The following ADORA2B variants were observed in gnomAD, a reference collection of about 807,000 sequenced individuals.
The protein encoded by ADORA2B is adenosine A2b receptor.
Under a neutral mutation model 20.8 loss-of-function variants are expected in ADORA2B, and 18 were observed. The ratio of observed to expected loss-of-function variants is 0.87; its 90% confidence interval spans 0.60 to 1.29. ADORA2B has a LOEUF of 1.29. Among genes scored for constraint, ADORA2B ranks in the 50% most tolerant of loss-of-function variants. The pLI is 0.00. For missense variants in ADORA2B, 441 were observed against 422.7 expected, an observed-to-expected ratio of 1.04 and a Z score of -0.38; for synonymous variants, 179 against 178.3, an observed-to-expected ratio of 1.00 and a Z score of -0.03.
rs143474768 is a variant in ADORA2B, at chr17:15,955,449, A to T, written c.335+9866A>T. On this transcript the variant is annotated intron_variant, in intron 1 of 1. Transcript: ENST00000304222. The stretch of plus-strand genomic sequence containing the variant: ...GAGTCTCGCTTGTTGGCCAGGCTGC[A>T]GTGCAGTGGCACGATCTGGGCTCAC... Among the ~76,000 whole-genome samples the T allele has an allele frequency of 2.9e-3, 424 of 147,714 alleles. 4 individuals carry two copies. Among genetic ancestry groups the T allele is most frequent in the Non-Finnish European group, 3.6e-3 (243 of 67,550 alleles).
At chr17:15,957,039 G>T (rs1969974916) in intron 1 of ADORA2B, among the ~76,000 whole-genome samples, 1 of 152,218 alleles carries the variant, frequency 6.6e-6, no homozygotes, top group African/African-American at 2.4e-5. Context: ...GACAGCTGAA[G>T]GAAGGAATGG....
the ADORA2B span, among the ~76,000 whole-genome samples, chr17:15,868,184 A>G: frequency 7.2e-6 from 1 of 137,966 alleles, no homozygotes; most frequent in Non-Finnish European, 1.6e-5. Context: ...CATGCTCGTT[A>G]AGAGTCATCA....
At chr17:15,884,939 A>T in the ADORA2B span, among the ~76,000 whole-genome samples, 2 of 152,182 alleles carry the variant, frequency 1.3e-5, no homozygotes, top group Non-Finnish European at 2.9e-5. Context: ...TATGCCCAGA[A>T]ATGAGATTGC....
chr17:15,911,138 G>T, the ADORA2B span, among the ~76,000 whole-genome samples: 1 of 152,244 alleles, frequency 6.6e-6, no homozygotes. Flanking sequence ...CTGAGCAACT[G>T]CTTGGCGATG....
chr17:15,865,057 G>A, the ADORA2B span, among the ~76,000 whole-genome samples: 1 of 151,810 alleles, frequency 6.6e-6, no homozygotes, highest in East Asian at 1.9e-4. Context: ...CTACATAAAT[G>A]AGCCTCCAAA....
At chr17:15,892,812 C>G in the ADORA2B span, among the ~76,000 whole-genome samples, 1 of 152,124 alleles carries the variant, frequency 6.6e-6, no homozygotes, top group Admixed American at 6.5e-5. Flanking sequence ...GCACAGTACA[C>G]AATTCAGTGT....
the ADORA2B span, among the ~76,000 whole-genome samples, chr17:15,899,994 G>C: frequency 6.6e-6 from 1 of 152,054 alleles, no homozygotes; most frequent in East Asian, 1.9e-4. Flanking sequence ...ACCATGCCCA[G>C]CTAATTTTTA....
chr17:15,870,417 T>A, the ADORA2B span, among the ~76,000 whole-genome samples: 1 of 152,128 alleles, frequency 6.6e-6, no homozygotes, highest in Non-Finnish European at 1.5e-5. Flanking sequence ...GGCAGACAGA[T>A]CTCTTGAGCC....
chr17:15,917,168 C>G, the ADORA2B span, among the ~76,000 whole-genome samples: 1 of 152,216 alleles, frequency 6.6e-6, no homozygotes, highest in Non-Finnish European at 1.5e-5. Flanking sequence ...ATGAGCTGGG[C>G]GTGGTGGCGC....
chr17:15,972,438 A>C (rs1054928335), intron 1 of ADORA2B, among the ~76,000 whole-genome samples: 4 of 152,200 alleles, frequency 2.6e-5, no homozygotes, highest in Non-Finnish European at 5.9e-5. Context: ...TCATTTATAC[A>C]TTACATATGT....
At chr17:15,959,782 T>C (rs1479075749) in intron 1 of ADORA2B, among the ~76,000 whole-genome samples, 1 of 152,242 alleles carries the variant, frequency 6.6e-6, no homozygotes, top group African/African-American at 2.4e-5. Context: ...ATTACAGGCA[T>C]GAGCCACTGT....
chr17:15,969,380 G>A (rs1208461210), intron 1 of ADORA2B, among the ~76,000 whole-genome samples: 2 of 152,212 alleles, frequency 1.3e-5, no homozygotes, highest in Non-Finnish European at 1.5e-5. Flanking sequence ...CTTGAAACCA[G>A]GAGGCAGAGG....
chr17:15,924,901 T>C, the ADORA2B span, among the ~76,000 whole-genome samples: 1 of 151,810 alleles, frequency 6.6e-6, no homozygotes, highest in Non-Finnish European at 1.5e-5. Flanking sequence ...AGAGTCTTGC[T>C]CTGTCACCCA....
the ADORA2B span, among the ~76,000 whole-genome samples, chr17:15,903,406 A>G: frequency 6.6e-6 from 1 of 152,244 alleles, no homozygotes; most frequent in Non-Finnish European, 1.5e-5. Context: ...GTCTAGATAC[A>G]GTGGGAACTC....
At chr17:15,903,902 T>A in the ADORA2B span, among the ~76,000 whole-genome samples, 2 of 152,148 alleles carry the variant, frequency 1.3e-5, no homozygotes, top group Non-Finnish European at 2.9e-5. Flanking sequence ...ACGTAGAACC[T>A]CTTTTCATAG....
At chr17:15,892,324 C>A in the ADORA2B span, among the ~76,000 whole-genome samples, 2 of 152,134 alleles carry the variant, frequency 1.3e-5, no homozygotes, top group South Asian at 4.1e-4. Flanking sequence ...GGCACCACCA[C>A]GCCTGACTAA....
chr17:15,903,879 C>T, the ADORA2B span, among the ~76,000 whole-genome samples: 1 of 151,932 alleles, frequency 6.6e-6, no homozygotes, highest in Non-Finnish European at 1.5e-5. Flanking sequence ...TTGGTATTTC[C>T]CTACTTCAAA....
chr17:15,891,845 CTTT>C, the ADORA2B span, among the ~76,000 whole-genome samples: 2,083 of 107,740 alleles, frequency 0.019, 12 homozygotes, highest in African/African-American at 0.04. Flanking sequence ...CAATGCCCAG[CTTT>C]TTTTTTTTTT....
chr17:15,875,860 C>T, the ADORA2B span, among the ~76,000 whole-genome samples: 2 of 152,232 alleles, frequency 1.3e-5, no homozygotes, highest in African/African-American at 2.4e-5. Context: ...GAATTACAGG[C>T]GTGAGCCACC....
Sources: gnomAD v4.1 joint callset for allele counts (sites outside exome capture counted in the v4.1 genomes callset) on GRCh38, gnomAD v4.1.1 for gene constraint, MANE v1.5 for transcripts, NCBI Gene and HGNC (gene_info 2026-07-23, HGNC 2026-07-21) for gene names.